Variants in DEFB127 observed in about 807,000 individuals in gnomAD.
DEFB127 encodes defensin beta 127.
A neutral mutation model predicts 2.4 loss-of-function variants in DEFB127; 2 were observed. The ratio of observed to expected loss-of-function variants is 0.82; its 90% confidence interval spans 0.34 to 2.58. The LOEUF (loss-of-function observed/expected upper bound fraction) is 2.58. Among genes scored for constraint, DEFB127 ranks in the 30% most tolerant of loss-of-function variants. DEFB127 has a pLI of 0.11. For missense variants in DEFB127, 110 were observed against 113.2 expected (o/e 0.97, Z 0.13); for synonymous variants, 37 against 39.8 (o/e 0.93, Z 0.26).
intron 1 of DEFB127, among the ~76,000 whole-genome samples, 183 bp downstream of exon 1, chr20:157,776 A>C (rs1053251109): frequency 6.6e-6 from 1 of 152,162 alleles, no homozygotes; most frequent in Non-Finnish European, 1.5e-5. Context: ...CTTAAAGAGG[A>C]GTACTCACTG....
chr20:159,120 T>A lies in DEFB127; in HGVS notation c.*96T>A. 7.4e-7 allele frequency: 1 copy of A among 1,347,426 alleles called. No homozygotes were observed. Among genetic ancestry groups the A allele is most frequent in the Non-Finnish European group, 1.0e-6 (1 of 996,324 alleles). The allele number at this position is 1,347,426 out of a possible 1,614,324, so 83.5% of individuals were successfully genotyped here. A position where few individuals can be genotyped will look rare whatever the true frequency, so the allele number is the denominator to read the frequency against. The stretch of plus-strand genomic sequence containing the variant: ...TTCTTCCTTTTGGTTTCTTGATCCT[T>A]AAAATGACCTTCGAGCATATTCTAA... On this transcript the variant is annotated 3_prime_UTR_variant, in exon 2 of 2. Transcript: ENST00000382388.
In DEFB127 at chr20:158,813, A is replaced by G. The variant is rs1175585545; in HGVS notation, c.89A>G (p.Gln30Arg). The change falls in exon 2 of 2, where the codon CAA (glutamine) becomes CGA (arginine). Residue 30 changes from glutamine to arginine, a missense_variant. Transcript: ENST00000382388. ...AAGAAGTGCTGGAATAACTATGTAC[A>G]AGGACATTGCAGGAAAATCTGCAGA... Reference protein sequence around the residue: ...QLKKCWNNYVQGHCRKICRVN... With the variant: ...QLKKCWNNYVRGHCRKICRVN... 6.2e-7 allele frequency: 1 copy of G among 1,613,582 alleles called. No homozygotes were observed.
intron 1 of DEFB127, among the ~76,000 whole-genome samples, 195 bp downstream of exon 1, chr20:157,788 G>A (rs1237007499): frequency 6.6e-6 from 1 of 152,110 alleles, no homozygotes; most frequent in Non-Finnish European, 1.5e-5. Context: ...TACTCACTGA[G>A]CTAAAAAGAG....
intron 1 of DEFB127, 82 bp downstream of exon 1, chr20:157,675 T>C (rs2054707971): frequency 6.7e-7 from 1 of 1,486,948 alleles, no homozygotes; most frequent in Admixed American, 1.7e-5. Flanking sequence ...TAATCCACAC[T>C]AAAGGGAAAT....
At chr20:157,914 T>C (rs1858594) in intron 1 of DEFB127, among the ~76,000 whole-genome samples, 44,477 of 142,594 alleles carry the variant, frequency 0.31, 7,940 homozygotes, top group East Asian at 0.53. Flanking sequence ...TATATTTCCT[T>C]TTACTCAAAT....
rs752080511 is a variant in DEFB127, at chr20:158,970, A to G, written c.246A>G (p.Gln82=). The G allele has an allele frequency of 1.2e-6, 2 of 1,612,958 alleles. No homozygotes were observed. The highest frequency in any genetic ancestry group is 1.7e-6 in the Non-Finnish European group (2 of 1,179,554). ...PKPATLALTL[Q]DYVTIIENFP... Reference sequence around the variant, plus strand: ...CAGCAACACTTGCACTGACTCTTCAAGACTATGTTACAATAATAGAAAATT... The same window carrying G: ...CAGCAACACTTGCACTGACTCTTCAGGACTATGTTACAATAATAGAAAATT... Residue 82 remains glutamine, a synonymous_variant, in exon 2 of 2, where the codon CAA becomes CAG. Coordinates refer to ENST00000382388, the MANE Select transcript of DEFB127 (RefSeq NM_139074.4).
At position 157,526 on chromosome 20, in the gene DEFB127, T is replaced by C. The variant is rs1307335593; in HGVS notation, c.-19T>C. ...CTGGACCAAAAGCTTTGGCTGCACCTCTTCTGGAAAGCCTGGCCATGGGGC... is the reference window on the plus strand; with the variant it reads ...CTGGACCAAAAGCTTTGGCTGCACCCCTTCTGGAAAGCCTGGCCATGGGGC... On this transcript the variant is annotated 5_prime_UTR_variant, in exon 1 of 2. Transcript: ENST00000382388. 6.3e-7 allele frequency: 1 copy of C among 1,583,600 alleles called. No individual in the cohort carries two copies. The highest frequency in any genetic ancestry group is 1.4e-5 in the African/African-American group (1 of 71,832).
At position 159,126 on chromosome 20, in the gene DEFB127, G is replaced by A; in HGVS notation, c.*102G>A. The A allele has an allele frequency of 7.6e-7, 1 of 1,324,344 alleles. No homozygotes were observed. The highest frequency in any genetic ancestry group is 1.0e-6 in the Non-Finnish European group (1 of 979,006). The allele number at this position is 1,324,344 out of a possible 1,614,324, so 82.0% of individuals were successfully genotyped here. ...CTTTTGGTTTCTTGATCCTTAAAAT[G>A]ACCTTCGAGCATATTCTAATAAAGT... is the stretch of plus-strand genomic sequence containing the variant. On this transcript the variant is annotated 3_prime_UTR_variant, in exon 2 of 2. Coordinates refer to ENST00000382388, the MANE Select transcript of DEFB127 (RefSeq NM_139074.4).
Position 158,877 on chromosome 20 carries a change from A to G in DEFB127, c.153A>G (p.Arg51=). The G allele has an allele frequency of 6.2e-7, 1 of 1,613,820 alleles. No homozygotes were observed. Among genetic ancestry groups the G allele is most frequent in the Non-Finnish European group, 8.5e-7 (1 of 1,179,820 alleles). Residue 51 remains arginine (R), a synonymous_variant, in exon 2 of 2, where the codon AGA becomes AGG. Coordinates refer to ENST00000382388, the MANE Select transcript of DEFB127 (RefSeq NM_139074.4). The stretch of plus-strand genomic sequence containing the variant: ...CTGAGGCACTATGTGAAAATGGGAG[A>G]TACTGTTGCCTCAATATCAAGGAAC... ...EVPEALCENG[R]YCCLNIKELE...
At chr20:157,963 G>GCA (rs1600149680) in intron 1 of DEFB127, among the ~76,000 whole-genome samples, 3 of 136,592 alleles carry the variant, frequency 2.2e-5, no homozygotes, top group Non-Finnish European at 4.8e-5. Context: ...GTGTGTGTGT[G>GCA]CATGAATAGA....
intron 1 of DEFB127, among the ~76,000 whole-genome samples, chr20:157,797 A>C (rs547052629): frequency 6.6e-6 from 1 of 152,296 alleles, no homozygotes; most frequent in African/African-American, 2.4e-5. Flanking sequence ...AGCTAAAAAG[A>C]GGTCATAATT....
chr20:158,956 G>A lies in DEFB127; in HGVS notation c.232G>A (p.Ala78Thr). 7 of 1,613,590 alleles carry A rather than the reference G, an allele frequency of 4.3e-6. No homozygotes were observed. Among genetic ancestry groups the A allele is most frequent in the Non-Finnish European group, 5.1e-6 (6 of 1,179,728 alleles). The change falls in exon 2 of 2, where the codon GCA becomes ACA. Residue 78 changes from alanine (A) to threonine (T), a missense_variant. Physicochemically the swap from Ala to Thr is moderately conservative, Grantham distance 58 (BLOSUM62 0). Coordinates refer to ENST00000382388, the MANE Select transcript of DEFB127 (RefSeq NM_139074.4). ...KPPRPKPATLALTLQDYVTII... is the reference protein window; with the variant it reads ...KPPRPKPATLTLTLQDYVTII... Reference sequence around the variant, plus strand: ...ACCTCGTCCAAAGCCAGCAACACTTGCACTGACTCTTCAAGACTATGTTAC... The same window carrying A: ...ACCTCGTCCAAAGCCAGCAACACTTACACTGACTCTTCAAGACTATGTTAC...
intron 1 of DEFB127, among the ~76,000 whole-genome samples, chr20:158,473 C>T (rs774984852): frequency 1.3e-5 from 2 of 152,096 alleles, no homozygotes; most frequent in Non-Finnish European, 2.9e-5. Flanking sequence ...GAGCATAGTT[C>T]CATAGCCTAG....
Position 157,559 on chromosome 20 carries a change from G to A in DEFB127, c.15G>A (p.Met5Ile), listed in dbSNP as rs146415539. Reference sequence around the variant, plus strand: ...AAAGCCTGGCCATGGGGCTCTTCATGATCATTGCAATTCTGCTGTTCCAGA... The same window carrying A: ...AAAGCCTGGCCATGGGGCTCTTCATAATCATTGCAATTCTGCTGTTCCAGA... MGLF[M>I]IIAILLFQKP... The change falls in exon 1 of 2, where the codon ATG becomes ATA. Residue 5 changes from methionine to isoleucine, a missense_variant. Physicochemically the swap from Met to Ile is conservative, Grantham distance 10. Coordinates refer to ENST00000382388, the MANE Select transcript of DEFB127 (RefSeq NM_139074.4). 2 of 1,613,926 alleles carry A rather than the reference G, an allele frequency of 1.2e-6. No individual in the cohort carries two copies. The highest frequency in any genetic ancestry group is 2.7e-5 in the African/African-American group (2 of 75,034).
chr20:157,690 C>A, intron 1 of DEFB127, 97 bp downstream of exon 1: 2 of 1,373,486 alleles, frequency 1.5e-6, no homozygotes, highest in Non-Finnish European at 2.1e-6. Flanking sequence ...GGAAATAGAG[C>A]CCCCAAAGAT....
intron 1 of DEFB127, among the ~76,000 whole-genome samples, chr20:157,807 T>A (rs1321447546): frequency 1.3e-5 from 2 of 152,150 alleles, no homozygotes; most frequent in Non-Finnish European, 2.9e-5. Context: ...AGGTCATAAT[T>A]TCTTCTGGGA....
chr20:158,676 T>A, intron 1 of DEFB127, 98 bp from the exon 2 acceptor site: 1 of 1,247,306 alleles, frequency 8.0e-7, no homozygotes, highest in South Asian at 1.5e-5. Context: ...GGATACCCCA[T>A]ACCCCTAATT....
intron 1 of DEFB127, among the ~76,000 whole-genome samples, chr20:158,052 A>T (rs2054710288): frequency 6.6e-6 from 1 of 151,972 alleles, no homozygotes; most frequent in Admixed American, 6.6e-5. Flanking sequence ...AGTAGTGAAG[A>T]CTCTAGGAGC....
Position 159,105 on chromosome 20 carries a change from T to G in DEFB127, c.*81T>G, listed in dbSNP as rs2054715372. 7.1e-7 allele frequency: 1 copy of G among 1,412,340 alleles called. No homozygotes were observed. The highest frequency in any genetic ancestry group is 2.5e-5 in the Admixed American group (1 of 40,364). 87.5% of individuals were successfully genotyped at this position (1,412,340 alleles called of 1,614,324 possible). A position where few individuals can be genotyped will look rare whatever the true frequency, so the allele number is the denominator to read the frequency against. On this transcript the variant is annotated 3_prime_UTR_variant, in exon 2 of 2. Coordinates refer to ENST00000382388, the MANE Select transcript of DEFB127 (RefSeq NM_139074.4). ...GATGAGATATACATCTTCTTCCTTT[T>G]GGTTTCTTGATCCTTAAAATGACCT...
Sources: gnomAD v4.1 joint callset for allele counts (sites outside exome capture counted in the v4.1 genomes callset) on GRCh38, gnomAD v4.1.1 for gene constraint, MANE v1.5 for transcripts, NCBI Gene and HGNC (gene_info 2026-07-23, HGNC 2026-07-21) for gene names.